SPRED2: variants seen among roughly 807,000 people sequenced by gnomAD.
The protein encoded by SPRED2 is sprouty-related, EVH1 domain-containing protein 2.
In SPRED2, 47 loss-of-function variants were observed where a neutral mutation model predicts 43.0. The observed-to-expected ratio is 1.09, with a 90% CI of 0.87 to 1.40. The LOEUF (loss-of-function observed/expected upper bound fraction) is 1.40, where lower values mean the gene tolerates loss of function less well. Ranked by LOEUF, SPRED2 falls within the 40% of genes most tolerant of loss-of-function variation. The pLI, the probability that SPRED2 is intolerant of heterozygous loss-of-function variation, is 0.00. For missense variants in SPRED2, 561 were observed against 586.4 expected (o/e 0.96, Z 0.45); for synonymous variants, 225 against 225.7 (o/e 1.00, Z 0.03).
At chr2:65,370,328 C>CAAT (rs57243401) in intron 1 of SPRED2, among the ~76,000 whole-genome samples, 83,338 of 151,754 alleles carry the variant, frequency 0.55, 23,067 homozygotes, top group East Asian at 0.77. Flanking sequence ...ATGTGAACAA[C>CAAT]GACAATGATT....
At chr2:65,408,590 G>A (rs1258999701) in intron 1 of SPRED2, among the ~76,000 whole-genome samples, 1 of 151,324 alleles carries the variant, frequency 6.6e-6, no homozygotes, top group Non-Finnish European at 1.5e-5. Context: ...GACTTTTGAA[G>A]TTCTTTTTTT....
intron 4 of SPRED2, among the ~76,000 whole-genome samples, chr2:65,327,989 T>C (rs1673695114): frequency 6.6e-6 from 1 of 152,186 alleles, no homozygotes; most frequent in African/African-American, 2.4e-5. Flanking sequence ...CCCAAAGTGC[T>C]GGGATTACAG....
At chr2:65,358,988 A>T (rs554931830) in intron 1 of SPRED2, among the ~76,000 whole-genome samples, 73 of 152,246 alleles carry the variant, frequency 4.8e-4, no homozygotes, top group African/African-American at 1.8e-3. Context: ...CATTTTGGGG[A>T]TCCTCAGAAT....
intron 4 of SPRED2, among the ~76,000 whole-genome samples, chr2:65,322,300 T>A (rs1183414269): frequency 1.6e-4 from 21 of 130,018 alleles, no homozygotes; most frequent in African/African-American, 4.9e-4. Context: ...ATATATTTTT[T>A]TTTTTTTTTT....
intron 1 of SPRED2, among the ~76,000 whole-genome samples, chr2:65,352,300 A>G (rs1339666834): frequency 6.6e-6 from 1 of 152,260 alleles, no homozygotes; most frequent in Admixed American, 6.5e-5. Context: ...ACCAGTTTGC[A>G]TGATGTAAGA....
intron 1 of SPRED2, among the ~76,000 whole-genome samples, chr2:65,386,242 G>C (rs1048043835): frequency 2.2e-5 from 3 of 133,626 alleles, no homozygotes; most frequent in African/African-American, 8.1e-5. Flanking sequence ...CCGAGATCGC[G>C]CCATTGCACT....
chr2:65,317,564 C>A (rs1285070573), intron 4 of SPRED2, among the ~76,000 whole-genome samples: 1 of 135,390 alleles, frequency 7.4e-6, no homozygotes, highest in African/African-American at 2.8e-5. Flanking sequence ...ACAACAAAAA[C>A]AAAACATAAA....
At chr2:65,335,599 T>C (rs1195703436) in intron 2 of SPRED2, among the ~76,000 whole-genome samples, 1 of 152,222 alleles carries the variant, frequency 6.6e-6, no homozygotes, top group East Asian at 1.9e-4. Context: ...TCAAGTTTTA[T>C]ATGTACTCCA....
At chr2:65,319,010 C>A (rs1259075807) in intron 4 of SPRED2, among the ~76,000 whole-genome samples, 2 of 152,284 alleles carry the variant, frequency 1.3e-5, no homozygotes, top group Admixed American at 1.3e-4. Flanking sequence ...AAGGGCAAAA[C>A]AAATAGACTT....
intron 1 of SPRED2, among the ~76,000 whole-genome samples, chr2:65,416,351 G>A (rs1368142585): frequency 2.6e-5 from 4 of 152,120 alleles, no homozygotes; most frequent in Non-Finnish European, 5.9e-5. Context: ...ATTTCAGGCT[G>A]CATGCCAACC....
chr2:65,351,749 A>AG (rs1674517273), intron 1 of SPRED2, among the ~76,000 whole-genome samples: 1 of 152,266 alleles, frequency 6.6e-6, no homozygotes, highest in Admixed American at 6.5e-5. Context: ...CTTTTTAAAA[A>AG]GAATCAACAA....
chr2:65,365,655 T>C (rs1383738468), intron 1 of SPRED2, among the ~76,000 whole-genome samples: 1 of 152,224 alleles, frequency 6.6e-6, no homozygotes, highest in East Asian at 1.9e-4. Flanking sequence ...CTAGCCATTC[T>C]GGACAGACAG....
intron 1 of SPRED2, among the ~76,000 whole-genome samples, chr2:65,392,921 G>T (rs867576531): frequency 1.7e-4 from 26 of 152,136 alleles, no homozygotes; most frequent in South Asian, 1.0e-3. Context: ...GGACCAGCAC[G>T]GGACCATGGA....
chr2:65,310,760 C>G (rs1011420477), downstream of SPRED2: 3 of 570,358 alleles, frequency 5.3e-6, no homozygotes, highest in Admixed American at 1.3e-4. Flanking sequence ...CACAGGAAGC[C>G]CTGTCCCATC....
chr2:65,317,440 G>A (rs539874464), intron 4 of SPRED2, among the ~76,000 whole-genome samples: 1 of 152,238 alleles, frequency 6.6e-6, no homozygotes, highest in African/African-American at 2.4e-5. Context: ...TTGAACCCGG[G>A]AAGCGGAGGC....
chr2:65,355,409 A>G (rs1025374234), intron 1 of SPRED2, among the ~76,000 whole-genome samples: 1 of 152,222 alleles, frequency 6.6e-6, no homozygotes, highest in Non-Finnish European at 1.5e-5. Context: ...TGACATGAGT[A>G]AACTACTTTA....
chr2:65,396,699 T>C (rs944788908), intron 1 of SPRED2, among the ~76,000 whole-genome samples: 4 of 152,202 alleles, frequency 2.6e-5, no homozygotes, highest in Non-Finnish European at 5.9e-5. Context: ...AGCCAAACTA[T>C]ACAAAGTGAA....
chr2:65,369,450 T>C (rs370412313), intron 1 of SPRED2, among the ~76,000 whole-genome samples: 15 of 152,302 alleles, frequency 9.8e-5, no homozygotes, highest in African/African-American at 3.1e-4. Context: ...TTGGTGGTGA[T>C]AGCATATGCG....
chr2:65,352,903 C>T (rs1443039795), intron 1 of SPRED2, among the ~76,000 whole-genome samples: 1 of 152,222 alleles, frequency 6.6e-6, no homozygotes, highest in Non-Finnish European at 1.5e-5. Context: ...GGATTACAGG[C>T]GTGAGCCACC....
Sources: gnomAD v4.1 joint callset for allele counts (sites outside exome capture counted in the v4.1 genomes callset) on GRCh38, gnomAD v4.1.1 for gene constraint, MANE v1.5 for transcripts, NCBI Gene and HGNC (gene_info 2026-07-23, HGNC 2026-07-21) for gene names.